CAMTA1: variants seen among roughly 807,000 people sequenced by gnomAD.
CAMTA1 encodes calmodulin binding transcription activator 1, also known as calmodulin-binding transcription activator 1.
In CAMTA1, 27 loss-of-function variants were observed where a neutral mutation model predicts 170.9. The observed-to-expected ratio is 0.16, with a 90% CI of 0.12 to 0.22. The LOEUF (loss-of-function observed/expected upper bound fraction) is 0.22, where lower values mean the gene tolerates loss of function less well. CAMTA1 is among the 10% of genes least tolerant of loss of function. The pLI, the probability that CAMTA1 is intolerant of heterozygous loss-of-function variation, is 1.00. For synonymous variants in CAMTA1, 833 were observed against 891.5 expected, an observed-to-expected ratio of 0.93 and a Z score of 1.17; for missense variants, 1,619 against 2,217.2, an observed-to-expected ratio of 0.73 and a Z score of 5.42.
intron 4 of CAMTA1, among the ~76,000 whole-genome samples, chr1:7,125,339 G>A (rs770310823): frequency 2.6e-5 from 4 of 152,154 alleles, no homozygotes; most frequent in Non-Finnish European, 4.4e-5. Context: ...TCAGGTGTTG[G>A]TTGAGCCCCT....
rs1162845335 is a variant in CAMTA1 at position 6,820,315 on chromosome 1, T to C, written c.115+65T>C. On this transcript the variant is annotated intron_variant, in intron 2 of 22. Transcript: ENST00000303635. ...GGCTTGGCAGTGGCAGTAATTATCA[T>C]CTAGTACAGTGGAAACAGCCTTCAG... 2.1e-5 allele frequency: 32 copies of C among 1,550,682 alleles called. No individual in the cohort carries two copies. In the East Asian group the frequency reaches 7.0e-4, roughly 34 times the overall value.
intron 11 of CAMTA1, among the ~76,000 whole-genome samples, chr1:7,704,119 G>T (rs896943210): frequency 6.6e-6 from 1 of 151,488 alleles, no homozygotes; most frequent in Admixed American, 6.6e-5. Context: ...CTCCCCGCTC[G>T]TTGCGCAGCG....
Position 7,064,702 on chromosome 1 carries a change from G to A in CAMTA1, c.235-26602G>A, listed in dbSNP as rs1333261045. Among the ~76,000 whole-genome samples the A allele has an allele frequency of 6.6e-6, 1 of 151,826 alleles. No homozygotes were observed. The highest frequency in any genetic ancestry group is 2.4e-5 in the African/African-American group (1 of 41,298). ...TGTCCCGGGACTGAAGGAAGTGGGG[G>A]CTGGAGTCCAGAGATTGCAGAGCAT... On this transcript the variant is annotated intron_variant, in intron 3 of 22. Transcript: ENST00000303635. This position sits in a 1 kb window ranked among gnomAD's most constrained non-coding sequence, Gnocchi z 5.4.
intron 3 of CAMTA1, among the ~76,000 whole-genome samples, chr1:7,030,745 G>C (rs1017613120): frequency 6.6e-6 from 1 of 152,030 alleles, no homozygotes; most frequent in Admixed American, 6.6e-5. Context: ...GTGTGCATGT[G>C]AAAAGAATGT....
Position 7,184,193 on chromosome 1 carries a change from A to G in CAMTA1, c.303-65298A>G, listed in dbSNP as rs559923183. Among the ~76,000 whole-genome samples, 21 of 152,278 alleles carry G rather than the reference A, an allele frequency of 1.4e-4. No homozygotes were observed. In the East Asian group the frequency reaches 4.1e-3, roughly 29 times the overall value. Reference sequence around the variant, plus strand: ...AACTCAAAATTAAACAATTGAACGCATGGAGATAGAAGGAGGATGGTTACC... The same window carrying G: ...AACTCAAAATTAAACAATTGAACGCGTGGAGATAGAAGGAGGATGGTTACC... On this transcript the variant is annotated intron_variant, in intron 4 of 22. Transcript: ENST00000303635.
chr1:7,080,293 G>A (rs1639842486), intron 3 of CAMTA1, among the ~76,000 whole-genome samples: 1 of 152,010 alleles, frequency 6.6e-6, no homozygotes, highest in Non-Finnish European at 1.5e-5. Flanking sequence ...CAAAATAGGT[G>A]GATTCAGGTC....
rs192397906 is a variant in CAMTA1, at chr1:7,185,110, A to C, written c.303-64381A>C. Among the ~76,000 whole-genome samples the C allele has an allele frequency of 1.9e-3, 297 of 152,346 alleles. 2 individuals carry two copies. Among genetic ancestry groups the C allele is most frequent in the Middle Eastern group, 6.8e-3 (2 of 294 alleles). On this transcript the variant is annotated intron_variant, in intron 4 of 22. Coordinates refer to ENST00000303635, the MANE Select transcript of CAMTA1 (RefSeq NM_015215.4). ...AGTTACACATATGGAAAGGTATAGA[A>C]GGCTAGAATTAGTCCTGTGGTGTTG...
At chr1:6,843,522 T>C (rs1656718621) in intron 3 of CAMTA1, among the ~76,000 whole-genome samples, 1 of 152,262 alleles carries the variant, frequency 6.6e-6, no homozygotes, top group Non-Finnish European at 1.5e-5. Context: ...TGGTCTCTTA[T>C]AATTTTTTCC....
intron 6 of CAMTA1, among the ~76,000 whole-genome samples, chr1:7,625,646 C>T (rs184716709): frequency 2.0e-5 from 3 of 152,256 alleles, no homozygotes; most frequent in Non-Finnish European, 4.4e-5. Context: ...CTCTGCCATT[C>T]GCAATGGGCT....
In CAMTA1 at chr1:7,738,254, A is replaced by G. The variant is rs1414551010; in HGVS notation, c.3954A>G (p.Val1318=). 1.2e-6 allele frequency: 2 copies of G among 1,614,108 alleles called. No individual in the cohort carries two copies. Among genetic ancestry groups the G allele is most frequent in the South Asian group, 1.1e-5 (1 of 91,086 alleles). The change falls in exon 16 of 23, where the codon GTA becomes GTG. Residue 1318 remains valine, a synonymous_variant. Coordinates refer to ENST00000303635, the MANE Select transcript of CAMTA1 (RefSeq NM_015215.4). The surrounding 1 kb of genome is among the most constrained non-coding windows in gnomAD (Gnocchi z 4.9). ...TTCAAGCCTCTGGATCTCAGCCTGT[A>G]GGAAAGTGGAATTCCAAAGATCTTT... ...AAFQASGSQP[V]GKWNSKDLYI...
chr1:7,368,415 C>T (rs1343641262), intron 5 of CAMTA1, among the ~76,000 whole-genome samples: 1 of 148,064 alleles, frequency 6.8e-6, no homozygotes, highest in Non-Finnish European at 1.5e-5. Context: ...TTTCATTGGG[C>T]GCAGGCACTG....
At position 7,079,385 on chromosome 1, in the gene CAMTA1, C is replaced by T. The variant is rs114266468; in HGVS notation, c.235-11919C>T. Among the ~76,000 whole-genome samples the T allele has an allele frequency of 5.5e-3, 836 of 152,248 alleles. 8 individuals are homozygous for T. The highest frequency in any genetic ancestry group is 0.019 in the African/African-American group (775 of 41,522). ...GCTATAAACTCACTGACCTGAGAAG[C>T]TCAACACACCCCAAGCAAGGTAAAT... On this transcript the variant is annotated intron_variant, in intron 3 of 22. Transcript: ENST00000303635.
In CAMTA1 at chr1:7,320,788, G is replaced by A. The variant is rs970899571; in HGVS notation, c.438+71162G>A. Among the ~76,000 whole-genome samples, 12 of 151,328 alleles carry A rather than the reference G, an allele frequency of 7.9e-5. No individual in the cohort carries two copies. In the Admixed American group the frequency reaches 7.9e-4, roughly 10 times the overall value. ...GTGGGGCTGTACCAACTGTCAAGAAGGCTAATCCCAGTTACACATTCAAGA... is the reference window on the plus strand; with the variant it reads ...GTGGGGCTGTACCAACTGTCAAGAAAGCTAATCCCAGTTACACATTCAAGA... On this transcript the variant is annotated intron_variant, in intron 5 of 22. Coordinates refer to ENST00000303635, the MANE Select transcript of CAMTA1 (RefSeq NM_015215.4).
intron 3 of CAMTA1, among the ~76,000 whole-genome samples, chr1:7,074,776 C>T (rs1439506251): frequency 6.6e-6 from 1 of 152,174 alleles, no homozygotes; most frequent in Admixed American, 6.5e-5. Flanking sequence ...CTCATAACTA[C>T]CTTCTCACAT....
At position 7,377,910 on chromosome 1, in the gene CAMTA1, G is replaced by C. The variant is rs1409846974; in HGVS notation, c.439-89920G>C. ...CACTCCAGTCTGGGTGACAGAGTGA[G>C]AGCCTGTCTCAAAAAAATAATAATT... On this transcript the variant is annotated intron_variant, in intron 5 of 22. Coordinates refer to ENST00000303635, the MANE Select transcript of CAMTA1 (RefSeq NM_015215.4). 2.0e-5 allele frequency among the ~76,000 whole-genome samples: 3 copies of C among 152,100 alleles called. No individual in the cohort carries two copies. The East Asian group carries it at 5.8e-4, about 29-fold the overall frequency.
rs565518043 is a variant in CAMTA1 at position 7,056,877 on chromosome 1, C to T, written c.235-34427C>T. Among the ~76,000 whole-genome samples the T allele has an allele frequency of 8.0e-4, 122 of 152,310 alleles. 2 individuals carry two copies. The South Asian group carries it at 0.015, about 19-fold the overall frequency. ...CCAAAGCTATAGGGGCCATGAGAGCCGATCGTCTCATCTCTGGGTGGTTCC... is the reference window on the plus strand; with the variant it reads ...CCAAAGCTATAGGGGCCATGAGAGCTGATCGTCTCATCTCTGGGTGGTTCC... On this transcript the variant is annotated intron_variant, in intron 3 of 22. Transcript: ENST00000303635.
rs966443770 is a variant in CAMTA1, at chr1:7,144,966, G to C, written c.302+53595G>C. 3.9e-5 allele frequency among the ~76,000 whole-genome samples: 6 copies of C among 152,342 alleles called. No homozygotes were observed. Among genetic ancestry groups the C allele is most frequent in the African/African-American group, 1.4e-4 (6 of 41,576 alleles). On this transcript the variant is annotated intron_variant, in intron 4 of 22. Transcript: ENST00000303635. This position sits in a 1 kb window ranked among gnomAD's most constrained non-coding sequence, Gnocchi z 4.0. ...AAGGCCGAGTAACCTCTCAAGCTCT[G>C]CAGCGGTTGGGAGGCTGAGCTGGCC... is the stretch of plus-strand genomic sequence containing the variant.
chr1:7,167,442 C>T (rs147052860), intron 4 of CAMTA1, among the ~76,000 whole-genome samples: 60 of 152,196 alleles, frequency 3.9e-4, no homozygotes, highest in Non-Finnish European at 7.9e-4. Flanking sequence ...TCACTGTAGT[C>T]GTCAGTTTGT....
chr1:7,043,574 C>G (rs896349158), intron 3 of CAMTA1, among the ~76,000 whole-genome samples: 4 of 152,200 alleles, frequency 2.6e-5, no homozygotes, highest in African/African-American at 9.7e-5. Flanking sequence ...TACCCCGTTG[C>G]AGAATGGCTT....
Sources: allele counts gnomAD v4.1 joint callset (sites outside exome capture counted in the v4.1 genomes callset), GRCh38; gene constraint gnomAD v4.1.1; non-coding constraint Gnocchi (gnomAD v3.1); transcripts MANE v1.5; gene names NCBI Gene and HGNC (gene_info 2026-07-23, HGNC 2026-07-21).